Variants in MKLN1 observed in about 807,000 individuals in gnomAD.
MKLN1 encodes the protein muskelin.
Under a neutral mutation model 99.0 loss-of-function variants are expected in MKLN1, and 18 were observed. The observed-to-expected ratio is 0.18, with a 90% confidence interval of 0.13 to 0.27. The LOEUF is 0.27. MKLN1 is among the 10% of genes least tolerant of loss of function. MKLN1 has a pLI of 1.00. For missense variants in MKLN1, 621 were observed against 875.9 expected, an observed-to-expected ratio of 0.71 and a Z score of 3.67; for synonymous variants, 288 against 293.2, an observed-to-expected ratio of 0.98 and a Z score of 0.18.
At chr7:131,394,732 G>C (rs753978814) in intron 4 of MKLN1, among the ~76,000 whole-genome samples, 4 of 152,018 alleles carry the variant, frequency 2.6e-5, no homozygotes, top group Non-Finnish European at 5.9e-5. Flanking sequence ...CCTGGTATCA[G>C]CTATTCTGGA....
chr7:131,163,457 T>G (rs1563236820), intron 2 of MKLN1, among the ~76,000 whole-genome samples: 1 of 152,214 alleles, frequency 6.6e-6, no homozygotes. Flanking sequence ...CAGCCTCTGC[T>G]GTAACATTCA....
chr7:131,438,166 T>A (rs1563348226), intron 10 of MKLN1, among the ~76,000 whole-genome samples, 169 bp downstream of exon 10: 2 of 152,202 alleles, frequency 1.3e-5, no homozygotes, highest in East Asian at 1.9e-4. Context: ...TTCTTTAAAT[T>A]TTTTTCTCTT....
At chr7:131,329,581 A>G (rs920089864) in intron 1 of MKLN1, among the ~76,000 whole-genome samples, 5 of 152,208 alleles carry the variant, frequency 3.3e-5, no homozygotes, top group African/African-American at 1.2e-4. Flanking sequence ...ATCTAACTGT[A>G]GAGACATTTT....
At chr7:131,201,034 T>C (rs1388547467) in intron 2 of MKLN1, among the ~76,000 whole-genome samples, 1 of 152,212 alleles carries the variant, frequency 6.6e-6, no homozygotes, top group Non-Finnish European at 1.5e-5. Context: ...ACCTCTTTTT[T>C]TTGGAGACAG....
At chr7:131,429,179 C>T (rs1795449780) in intron 9 of MKLN1, 34 bp downstream of exon 9, 2 of 1,427,120 alleles carry the variant, frequency 1.4e-6, no homozygotes, top group East Asian at 2.3e-5. Flanking sequence ...ATCTATATTA[C>T]AGAAGGGGCG....
chr7:131,260,648 C>A (rs1014003268), intron 3 of MKLN1, among the ~76,000 whole-genome samples: 1 of 152,126 alleles, frequency 6.6e-6, no homozygotes, highest in Non-Finnish European at 1.5e-5. Flanking sequence ...ATAGCCAGGG[C>A]AATCCTATGC....
rs564077516 is a variant in MKLN1 at position 131,212,566 on chromosome 7, A to G, written c.-179+9592A>G. Reference sequence around the variant, plus strand: ...TCTTAAAATATTTCAAAACATCTTCATTATAAAATATTTCAGGCAAACAGA... The same window carrying G: ...TCTTAAAATATTTCAAAACATCTTCGTTATAAAATATTTCAGGCAAACAGA... On this transcript the variant is annotated intron_variant, in intron 3 of 7. Transcript: ENST00000416992. Among the ~76,000 whole-genome samples, 7 of 152,360 alleles carry G rather than the reference A, an allele frequency of 4.6e-5. No individual in the cohort carries two copies. In the East Asian group the frequency reaches 1.3e-3, roughly 29 times the overall value.
intron 1 of MKLN1, among the ~76,000 whole-genome samples, chr7:131,141,226 C>T (rs1795727941): frequency 6.6e-6 from 1 of 152,118 alleles, no homozygotes; most frequent in Non-Finnish European, 1.5e-5. Flanking sequence ...AATGGATATC[C>T]TCCGATTTCT....
At position 131,489,665 on chromosome 7, in the gene MKLN1, A is replaced by G. The variant is rs574217605; in HGVS notation, c.*1937A>G. On this transcript the variant is annotated 3_prime_UTR_variant, in exon 18 of 18. Transcript: ENST00000352689. The stretch of plus-strand genomic sequence containing the variant: ...TCTGGCACTTTAAAAAGATTAAGCA[A>G]GTGAAATTCTGCTGCCCTCCACCAT... The G allele has an allele frequency of 1.6e-4, 24 of 152,268 alleles. No homozygotes were observed. The highest frequency in any genetic ancestry group is 5.3e-4 in the African/African-American group (22 of 41,574). The allele number at this position is 152,268 out of a possible 1,614,324, so 9.4% of individuals were successfully genotyped here.
At chr7:131,367,903 C>T (rs567496746) in intron 1 of MKLN1, among the ~76,000 whole-genome samples, 2 of 152,062 alleles carry the variant, frequency 1.3e-5, no homozygotes, top group Non-Finnish European at 2.9e-5. Flanking sequence ...CTTTTAAAAA[C>T]AAGGGATGTT....
At chr7:131,478,821 C>G (rs1226891588) in intron 17 of MKLN1, 144 bp downstream of exon 17, 1 of 971,060 alleles carries the variant, frequency 1.0e-6, no homozygotes, top group South Asian at 1.4e-5. Flanking sequence ...TGCAAAATTT[C>G]TAATAACCTG....
intron 2 of MKLN1, among the ~76,000 whole-genome samples, chr7:131,202,084 A>C (rs1231517636): frequency 6.6e-6 from 1 of 151,486 alleles, no homozygotes; most frequent in South Asian, 2.1e-4. Flanking sequence ...TTAGTTAATC[A>C]ATCAGTGTTT....
intron 8 of MKLN1, among the ~76,000 whole-genome samples, chr7:131,415,816 T>A (rs1207377093): frequency 6.6e-6 from 1 of 152,234 alleles, no homozygotes; most frequent in African/African-American, 2.4e-5. Flanking sequence ...GAATAATTAT[T>A]TATGAATATA....
At chr7:131,483,717 A>G (rs1797188859) in intron 17 of MKLN1, among the ~76,000 whole-genome samples, 1 of 152,228 alleles carries the variant, frequency 6.6e-6, no homozygotes. Context: ...TGTGGCACCA[A>G]ACAGATGGTG....
chr7:131,412,565 A>G (rs748539390), intron 7 of MKLN1, among the ~76,000 whole-genome samples: 42 of 152,210 alleles, frequency 2.8e-4, no homozygotes, highest in Non-Finnish European at 4.4e-4. Context: ...TGAAATGTAG[A>G]TCCTAGAGGG....
chr7:131,341,220 G>A (rs530442016), intron 1 of MKLN1, among the ~76,000 whole-genome samples: 25 of 151,446 alleles, frequency 1.7e-4, no homozygotes, highest in African/African-American at 4.6e-4. Flanking sequence ...TGTACCATAC[G>A]GTTCTTCTAC....
At chr7:131,265,265 C>T (rs1797791256) in intron 3 of MKLN1, among the ~76,000 whole-genome samples, 1 of 152,216 alleles carries the variant, frequency 6.6e-6, no homozygotes, top group African/African-American at 2.4e-5. Context: ...CTCACCACCA[C>T]TGGGAATTAC....
chr7:131,484,894 GA>G (rs1797231312), intron 17 of MKLN1, among the ~76,000 whole-genome samples: 1 of 151,968 alleles, frequency 6.6e-6, no homozygotes, highest in South Asian at 2.1e-4. Context: ...AGGAGATATG[GA>G]ATGGAATAAG....
At chr7:131,386,090 T>C (rs1046595634) in intron 2 of MKLN1, among the ~76,000 whole-genome samples, 1 of 150,998 alleles carries the variant, frequency 6.6e-6, no homozygotes, top group Admixed American at 6.6e-5. Flanking sequence ...CTTGGCTCAC[T>C]GCAACCTCCA....
Sources: gnomAD v4.1 joint callset for allele counts (sites outside exome capture counted in the v4.1 genomes callset) on GRCh38, gnomAD v4.1.1 for gene constraint, MANE v1.5 for transcripts, NCBI Gene and HGNC (gene_info 2026-07-23, HGNC 2026-07-21) for gene names.